The following DAB1 variants were observed in gnomAD, a reference collection of about 807,000 sequenced individuals.
The protein encoded by DAB1 is disabled homolog 1.
In DAB1, 15 loss-of-function variants were observed where a neutral mutation model predicts 64.6. That is an observed-to-expected ratio of 0.23 (90% confidence interval 0.16 to 0.36). DAB1 has a LOEUF of 0.36. DAB1 is among the 10% of genes least tolerant of loss of function. The probability of loss-of-function intolerance (pLI) is 1.00; values close to 1 mark genes in which losing one functional copy is unlikely to be tolerated. For synonymous variants in DAB1, 235 were observed against 251.9 expected (o/e 0.93, Z 0.64); for missense variants, 596 against 706.7 (o/e 0.84, Z 1.78).
intron 4 of DAB1, among the ~76,000 whole-genome samples, chr1:58,307,974 GC>G (rs1467796948): frequency 6.6e-6 from 1 of 152,084 alleles, no homozygotes; most frequent in Non-Finnish European, 1.5e-5. Context: ...AGAGGCAATG[GC>G]ACTGGAGCGA....
intron 7 of DAB1, among the ~76,000 whole-genome samples, chr1:57,489,622 T>A (rs1281558529): frequency 6.6e-6 from 1 of 152,160 alleles, no homozygotes; most frequent in Non-Finnish European, 1.5e-5. Context: ...GATTGTTATA[T>A]CCCCACAGTG....
intron 6 of DAB1, among the ~76,000 whole-genome samples, chr1:57,658,975 T>G (rs903527767): frequency 2.6e-5 from 4 of 152,210 alleles, no homozygotes; most frequent in Non-Finnish European, 5.9e-5. Flanking sequence ...TTAGGAACCT[T>G]ACTTCTGTTC....
intron 4 of DAB1, among the ~76,000 whole-genome samples, chr1:58,169,181 G>A (rs139591390): frequency 3.0e-4 from 45 of 151,806 alleles, no homozygotes; most frequent in Admixed American, 1.3e-3. Context: ...TCCAGGGACC[G>A]TTGCAGGTTC....
intron 1 of DAB1, among the ~76,000 whole-genome samples, chr1:58,540,749 A>G (rs534548953): frequency 1.4e-3 from 212 of 151,860 alleles, no homozygotes; most frequent in Non-Finnish European, 2.5e-3. Context: ...GAGGTATGCA[A>G]TAACTTCAAG....
At chr1:58,446,458 G>T (rs369580129) in intron 3 of DAB1, among the ~76,000 whole-genome samples, 148 of 152,258 alleles carry the variant, frequency 9.7e-4, no homozygotes, top group African/African-American at 3.4e-3. Context: ...CAGAACACTG[G>T]GTTAGACAAA....
intron 3 of DAB1, among the ~76,000 whole-genome samples, chr1:58,454,269 C>G (rs1645169082): frequency 6.6e-6 from 1 of 152,134 alleles, no homozygotes; most frequent in South Asian, 2.1e-4. Flanking sequence ...TGGCAGGCTA[C>G]AAACACACAG....
chr1:58,494,075 G>T (rs905641827), intron 3 of DAB1, among the ~76,000 whole-genome samples: 2 of 152,082 alleles, frequency 1.3e-5, no homozygotes, highest in African/African-American at 4.8e-5. Context: ...CAGAGATATA[G>T]ACCATTGGAA....
chr1:57,138,598 A>C (rs892273232), intron 3 of DAB1, among the ~76,000 whole-genome samples: 3 of 152,140 alleles, frequency 2.0e-5, no homozygotes, highest in Non-Finnish European at 4.4e-5. Flanking sequence ...CCCTCCCCGC[A>C]TTCAATGGTT....
chr1:58,255,304 C>T (rs544694728), intron 4 of DAB1, among the ~76,000 whole-genome samples: 101 of 152,030 alleles, frequency 6.6e-4, no homozygotes, highest in Non-Finnish European at 1.2e-3. Flanking sequence ...GATATTAGCC[C>T]GGCAAAGGGA....
chr1:58,240,115 C>T (rs557161788), intron 4 of DAB1, among the ~76,000 whole-genome samples: 6 of 152,296 alleles, frequency 3.9e-5, no homozygotes, highest in African/African-American at 1.4e-4. Flanking sequence ...GTAGGTGTGG[C>T]TGGTACTGCC....
chr1:58,425,917 C>G lies in DAB1; in HGVS notation n.257+80143G>C, dbSNP rs1569764537. 2.0e-5 allele frequency among the ~76,000 whole-genome samples: 3 copies of G among 151,698 alleles called. No homozygotes were observed. In the East Asian group the frequency reaches 5.8e-4, roughly 29 times the overall value. On this transcript the variant is annotated intron_variant and non_coding_transcript_variant, in intron 3 of 20. Coordinates refer to the DAB1 transcript ENST00000485760. ...AATAAGAGACACAAAGTGCGGGGTA[C>G]AGAAGAATAGTCTGGGTGGTGGAAG...
chr1:58,142,626 G>A (rs1312472283), intron 5 of DAB1, among the ~76,000 whole-genome samples: 1 of 152,228 alleles, frequency 6.6e-6, no homozygotes, highest in Non-Finnish European at 1.5e-5. Flanking sequence ...GGCCAGGGAA[G>A]AAAAGGAAGA....
At chr1:58,239,849 T>C (rs565657302) in intron 4 of DAB1, among the ~76,000 whole-genome samples, 5 of 152,122 alleles carry the variant, frequency 3.3e-5, no homozygotes, top group Non-Finnish European at 5.9e-5. Flanking sequence ...GCACATGAAC[T>C]AAGCTACAGA....
intron 5 of DAB1, among the ~76,000 whole-genome samples, chr1:57,912,926 G>T (rs1644669078): frequency 6.6e-6 from 1 of 152,102 alleles, no homozygotes; most frequent in Non-Finnish European, 1.5e-5. Context: ...ACAAACCACT[G>T]CTCAACGAAA....
intron 6 of DAB1, among the ~76,000 whole-genome samples, chr1:57,649,971 T>A (rs1646237460): frequency 6.6e-6 from 1 of 151,838 alleles, no homozygotes; most frequent in South Asian, 2.1e-4. Context: ...CACAAAAGAG[T>A]CTAAGAATTT....
intron 6 of DAB1, among the ~76,000 whole-genome samples, chr1:57,658,343 G>A (rs757818495): frequency 5.1e-5 from 7 of 137,520 alleles, no homozygotes; most frequent in East Asian, 2.1e-4. Context: ...TCTCACTGTC[G>A]CCCAGGCTGG....
intron 3 of DAB1, among the ~76,000 whole-genome samples, chr1:58,358,628 T>C (rs1644133248): frequency 6.6e-6 from 1 of 152,142 alleles, no homozygotes; most frequent in South Asian, 2.1e-4. Context: ...GATTTATGTA[T>C]GAAGAAAACG....
intron 2 of DAB1, among the ~76,000 whole-genome samples, chr1:57,230,569 G>A (rs1355975399): frequency 3.3e-5 from 5 of 152,014 alleles, no homozygotes; most frequent in Admixed American, 2.6e-4. Flanking sequence ...GTAAACATGA[G>A]CTTTGAAGCC....
intron 5 of DAB1, among the ~76,000 whole-genome samples, chr1:57,944,731 A>G (rs1645158662): frequency 6.6e-6 from 1 of 152,112 alleles, no homozygotes; most frequent in South Asian, 2.1e-4. Flanking sequence ...ATACACACAT[A>G]TATAACCTCG....
Sources: allele counts gnomAD v4.1 joint callset (sites outside exome capture counted in the v4.1 genomes callset), GRCh38; gene constraint gnomAD v4.1.1; transcripts MANE v1.5; gene names NCBI Gene and HGNC (gene_info 2026-07-23, HGNC 2026-07-21).